The following NFIB variants were observed in gnomAD, a reference collection of about 807,000 sequenced individuals.
The protein encoded by NFIB is nuclear factor I B.
In NFIB, 11 loss-of-function variants were observed where a neutral mutation model predicts 61.5. The observed-to-expected ratio is 0.18, with a 90% CI of 0.11 to 0.30. The LOEUF is 0.30. Among genes scored for constraint, NFIB ranks in the 10% least tolerant of loss-of-function variants. The probability of loss-of-function intolerance (pLI) is 1.00; values close to 1 mark genes in which losing one functional copy is unlikely to be tolerated. For synonymous variants in NFIB, 260 were observed against 216.5 expected (o/e 1.20, Z -1.76); for missense variants, 471 against 608.9 (o/e 0.77, Z 2.38).
chr9:14,384,640 T>C (rs2061528381), intron 1 of NFIB, among the ~76,000 whole-genome samples: 1 of 152,204 alleles, frequency 6.6e-6, no homozygotes, highest in Admixed American at 6.5e-5. Flanking sequence ...GTCATTAATA[T>C]CTATTTGAAT....
the NFIB span, among the ~76,000 whole-genome samples, chr9:14,481,295 G>GAGT: frequency 3.8e-4 from 55 of 144,050 alleles, no homozygotes; most frequent in African/African-American, 1.3e-3. Flanking sequence ...CTGTCCTCCA[G>GAGT]AGTTCTTGAG....
At chr9:14,179,686 C>T (rs1317430991) in intron 3 of NFIB, 41 bp downstream of exon 3, 1 of 1,608,800 alleles carries the variant, frequency 6.2e-7, no homozygotes, top group Admixed American at 1.7e-5. Context: ...CTTTGTTCTC[C>T]AACAATGTCA....
chr9:14,165,513 G>A (rs2044688768), intron 3 of NFIB, among the ~76,000 whole-genome samples: 1 of 152,118 alleles, frequency 6.6e-6, no homozygotes, highest in African/African-American at 2.4e-5. Context: ...TTACGATAGA[G>A]GAAAAAGTCA....
intron 10 of NFIB, among the ~76,000 whole-genome samples, chr9:14,109,778 T>C (rs1036833383): frequency 6.6e-6 from 1 of 152,108 alleles, no homozygotes; most frequent in African/African-American, 2.4e-5. Context: ...GATTATCAAC[T>C]GGTTTACATG....
the NFIB span, among the ~76,000 whole-genome samples, chr9:14,469,274 T>A: frequency 6.6e-6 from 1 of 152,198 alleles, no homozygotes; most frequent in Non-Finnish European, 1.5e-5. Context: ...TGTTATCAAC[T>A]TGAAAAGTTA....
chr9:14,350,517 G>C (rs981864908), intron 1 of NFIB, among the ~76,000 whole-genome samples: 66 of 152,064 alleles, frequency 4.3e-4, no homozygotes, highest in African/African-American at 1.3e-3. Context: ...GGTGGGGTGG[G>C]GGGGGAAGTT....
chr9:14,213,056 T>C (rs1048822463), intron 2 of NFIB, among the ~76,000 whole-genome samples: 1 of 152,248 alleles, frequency 6.6e-6, no homozygotes, highest in Non-Finnish European at 1.5e-5. Context: ...ATCATGTTTA[T>C]GCACTACATT....
chr9:14,201,114 C>A (rs1190094365), intron 2 of NFIB, among the ~76,000 whole-genome samples: 1 of 152,198 alleles, frequency 6.6e-6, no homozygotes, highest in African/African-American at 2.4e-5. Flanking sequence ...TTGAGCTTCA[C>A]ATTTTTACCT....
chr9:14,386,219 A>G (rs992018264), intron 1 of NFIB, among the ~76,000 whole-genome samples: 1 of 152,242 alleles, frequency 6.6e-6, no homozygotes, highest in Non-Finnish European at 1.5e-5. Context: ...TGTAGCAAAC[A>G]TCTCCCTCCT....
the NFIB span, among the ~76,000 whole-genome samples, chr9:14,410,607 G>C: frequency 6.6e-6 from 1 of 152,182 alleles, no homozygotes; most frequent in African/African-American, 2.4e-5. Flanking sequence ...AGAAAGTTGA[G>C]AGTGATTCAG....
chr9:14,200,779 C>T (rs1321298598), intron 2 of NFIB, among the ~76,000 whole-genome samples: 1 of 152,136 alleles, frequency 6.6e-6, no homozygotes, highest in East Asian at 1.9e-4. Context: ...GTACATTCCC[C>T]CTCAGCAAAC....
the NFIB span, among the ~76,000 whole-genome samples, chr9:14,448,414 T>C: frequency 6.6e-6 from 1 of 151,912 alleles, no homozygotes; most frequent in African/African-American, 2.4e-5. Flanking sequence ...AAAATCTGAA[T>C]TGATTTAACT....
the NFIB span, among the ~76,000 whole-genome samples, chr9:14,471,235 T>G: frequency 6.6e-6 from 1 of 152,220 alleles, no homozygotes; most frequent in Non-Finnish European, 1.5e-5. Context: ...CCAACTTCCT[T>G]CCTCACATCA....
intron 2 of NFIB, among the ~76,000 whole-genome samples, chr9:14,276,438 T>G (rs1018059876): frequency 2.6e-5 from 4 of 152,154 alleles, no homozygotes; most frequent in African/African-American, 9.7e-5. Flanking sequence ...TAGAATGACC[T>G]TCAGAGCAAT....
chr9:14,188,566 T>C (rs1313531950), intron 2 of NFIB, among the ~76,000 whole-genome samples: 1 of 152,242 alleles, frequency 6.6e-6, no homozygotes, highest in Non-Finnish European at 1.5e-5. Flanking sequence ...TCCAGCTGTA[T>C]TTTAAGTTTC....
chr9:14,395,676 G>A (rs561805848), intron 1 of NFIB, among the ~76,000 whole-genome samples: 6 of 139,408 alleles, frequency 4.3e-5, no homozygotes, highest in South Asian at 2.4e-4. Context: ...ATTTTACCTC[G>A]TAAAAAATTC....
intron 3 of NFIB, among the ~76,000 whole-genome samples, chr9:14,160,763 A>C (rs1173741772): frequency 2.0e-5 from 3 of 148,076 alleles, no homozygotes; most frequent in African/African-American, 7.5e-5. Context: ...CATCTTACAG[A>C]GATAGTTTCT....
intron 1 of NFIB, among the ~76,000 whole-genome samples, chr9:14,397,458 T>G (rs1230809604): frequency 6.6e-6 from 1 of 152,206 alleles, no homozygotes; most frequent in Non-Finnish European, 1.5e-5. Context: ...CAATCCTTGT[T>G]TCTGACTATT....
At chr9:14,391,603 G>T (rs2133033733) in intron 1 of NFIB, among the ~76,000 whole-genome samples, 1 of 152,126 alleles carries the variant, frequency 6.6e-6, no homozygotes, top group East Asian at 1.9e-4. Flanking sequence ...GACTGGTAAG[G>T]GAAAAATGCC....
Sources: allele counts gnomAD v4.1 joint callset (sites outside exome capture counted in the v4.1 genomes callset), GRCh38; gene constraint gnomAD v4.1.1; transcripts MANE v1.5; gene names NCBI Gene and HGNC (gene_info 2026-07-23, HGNC 2026-07-21).